Variants in CIT observed in about 807,000 individuals in gnomAD.
The protein encoded by CIT is citron Rho-interacting kinase.
Under a neutral mutation model 272.7 loss-of-function variants are expected in CIT, and 79 were observed. The observed-to-expected ratio is 0.29, with a 90% confidence interval of 0.24 to 0.35. The LOEUF (loss-of-function observed/expected upper bound fraction) is 0.35, where lower values mean the gene tolerates loss of function less well. Among genes scored for constraint, CIT ranks in the 10% least tolerant of loss-of-function variants. The pLI is 1.00. For synonymous variants in CIT, 948 were observed against 995.6 expected (o/e 0.95, Z 0.90); for missense variants, 1,909 against 2,618.3 (o/e 0.73, Z 5.91).
chr12:119,825,356 G>A lies in CIT; in HGVS notation c.766C>T (p.Leu256Phe). Residue 256 changes from leucine to phenylalanine, a missense_variant, in exon 8 of 48, where the codon CTC becomes TTC. This residue lies in a region of CIT where 529 missense variants were observed against 549.6 expected (regional missense o/e 0.96). Transcript: ENST00000392521. Reference protein sequence around the residue: ...MNSNKMVNAKLPIGTPDYMAP... With the variant: ...MNSNKMVNAKFPIGTPDYMAP... ...ATGTAATCTGGGGTCCCAATCGGGA[G>A]TTTGGCATTCACCTAGAATCCCATC... The A allele has an allele frequency of 6.2e-7, 1 of 1,613,888 alleles. No individual in the cohort carries two copies. The highest frequency in any genetic ancestry group is 8.5e-7 in the Non-Finnish European group (1 of 1,179,958).
At chr12:119,708,393 TAGTCACAAGTAAA>T in intron 39 of CIT, 75 bp from the exon 40 acceptor site, 1 of 1,361,464 alleles carries the variant, frequency 7.3e-7, no homozygotes, top group Non-Finnish European at 9.6e-7. Context: ...GTTCTAGTTC[TAGTCACAAGTAAA>T]AGTCACAAGA....
chr12:119,829,453 T>C lies in CIT; in HGVS notation c.753+3318A>G, dbSNP rs1593889158. The stretch of plus-strand genomic sequence containing the variant: ...ACCTAACTTTACCCATCAAGTTGCC[T>C]AGGGCATAAGCATATACCTGCAGAA... On this transcript the variant is annotated intron_variant, in intron 7 of 47. Transcript: ENST00000392521. Among the ~76,000 whole-genome samples the C allele has an allele frequency of 2.6e-5, 4 of 152,040 alleles. No homozygotes were observed. In the South Asian group the frequency reaches 8.3e-4, roughly 32 times the overall value.
chr12:119,705,056 G>A (rs1000047208), intron 40 of CIT, among the ~76,000 whole-genome samples: 3 of 152,098 alleles, frequency 2.0e-5, no homozygotes, highest in Admixed American at 6.6e-5. Flanking sequence ...GGGACCACAG[G>A]TGCGCACCAC....
At chr12:119,831,730 A>G (rs951262265) in intron 7 of CIT, among the ~76,000 whole-genome samples, 111 of 152,254 alleles carry the variant, frequency 7.3e-4, no homozygotes, top group African/African-American at 2.5e-3. Context: ...TTAGCTGGGC[A>G]TGGTGGCGGG....
At chr12:119,786,583 G>A (rs1217288953) in intron 10 of CIT, among the ~76,000 whole-genome samples, 3 of 152,230 alleles carry the variant, frequency 2.0e-5, no homozygotes, top group African/African-American at 4.8e-5. Flanking sequence ...CTGGTAACAG[G>A]GTTGCAGAGC....
At chr12:119,719,387 A>G (rs1957715370) in intron 30 of CIT, among the ~76,000 whole-genome samples, 1 of 152,240 alleles carries the variant, frequency 6.6e-6, no homozygotes, top group Admixed American at 6.5e-5. Context: ...TGGAAAAAAA[A>G]GGAAAACAGA....
At chr12:119,843,403 T>A (rs1969543030) in intron 5 of CIT, among the ~76,000 whole-genome samples, 1 of 151,950 alleles carries the variant, frequency 6.6e-6, no homozygotes, top group South Asian at 2.1e-4. Flanking sequence ...TAATTCAGAG[T>A]AGAGAAGATG....
intron 5 of CIT, among the ~76,000 whole-genome samples, chr12:119,845,575 C>G (rs1969735808): frequency 6.6e-6 from 1 of 150,956 alleles, no homozygotes. Context: ...ATTGCTTGAA[C>G]CTAGGAGGTG....
chr12:119,802,544 G>A (rs203337), intron 10 of CIT, among the ~76,000 whole-genome samples: 93 of 152,222 alleles, frequency 6.1e-4, no homozygotes, highest in African/African-American at 2.1e-3. Flanking sequence ...CAGTTTCTGT[G>A]AATCAATGAC....
chr12:119,781,805 A>G lies in CIT; in HGVS notation c.1665+713T>C, dbSNP rs368373518. On this transcript the variant is annotated intron_variant, in intron 13 of 47. Coordinates refer to ENST00000392521, the MANE Select transcript of CIT (RefSeq NM_001206999.2). ...ATGGTTCAAATTTCTCTTCTAGAATATTTCTTTATGTAAGTAAAACTATGA... is the reference window on the plus strand; with the variant it reads ...ATGGTTCAAATTTCTCTTCTAGAATGTTTCTTTATGTAAGTAAAACTATGA... Among the ~76,000 whole-genome samples the G allele has an allele frequency of 4.3e-4, 66 of 152,238 alleles. 1 individual carries two copies. The highest frequency in any genetic ancestry group is 1.4e-3 in the African/African-American group (60 of 41,464).
At chr12:119,817,314 A>C (rs1967279127) in intron 9 of CIT, among the ~76,000 whole-genome samples, 1 of 152,028 alleles carries the variant, frequency 6.6e-6, no homozygotes, top group African/African-American at 2.4e-5. Context: ...GACCGAGACC[A>C]TCCTGGCTAA....
intron 2 of CIT, among the ~76,000 whole-genome samples, chr12:119,874,239 T>C (rs1950771285): frequency 6.6e-6 from 1 of 152,030 alleles, no homozygotes. Context: ...CCCAGCTAAT[T>C]TTCTATATTT....
Position 119,798,407 on chromosome 12 carries a change from C to T in CIT, c.1295+4799G>A, listed in dbSNP as rs567830877. On this transcript the variant is annotated intron_variant, in intron 10 of 47. Transcript: ENST00000392521. Reference sequence around the variant, plus strand: ...CATAACTTTAGGCAAGTTGTTTGATCTCCCCACGCCTCAGTTTCCTCACAT... The same window carrying T: ...CATAACTTTAGGCAAGTTGTTTGATTTCCCCACGCCTCAGTTTCCTCACAT... Among the ~76,000 whole-genome samples the T allele has an allele frequency of 3.3e-5, 5 of 152,292 alleles. No homozygotes were observed. In the East Asian group the frequency reaches 7.7e-4, roughly 24 times the overall value.
intron 20 of CIT, 131 bp downstream of exon 20, chr12:119,760,808 T>C (rs1961687457): frequency 2.8e-6 from 2 of 704,656 alleles, no homozygotes; most frequent in Admixed American, 2.3e-5. Context: ...GAAAGCCTCC[T>C]ATTACCAACA....
chr12:119,852,749 A>T (rs887506052), intron 4 of CIT, among the ~76,000 whole-genome samples: 2 of 151,942 alleles, frequency 1.3e-5, no homozygotes, highest in African/African-American at 2.4e-5. Flanking sequence ...CTTAAAATAA[A>T]TAAATTATAT....
intron 22 of CIT, 56 bp from the exon 23 acceptor site, chr12:119,752,303 A>G (rs1960373558): frequency 6.7e-7 from 1 of 1,484,232 alleles, no homozygotes; most frequent in Admixed American, 2.1e-5. Context: ...TCTGAACAAA[A>G]GAGAAAGTGA....
intron 16 of CIT, among the ~76,000 whole-genome samples, chr12:119,774,739 A>G (rs990054419): frequency 6.8e-6 from 1 of 147,038 alleles, no homozygotes; most frequent in East Asian, 2.0e-4. Flanking sequence ...TTGGGAAGCA[A>G]TGGCAGGTGG....
chr12:119,852,940 T>A (rs1385059563), intron 4 of CIT, among the ~76,000 whole-genome samples: 1 of 152,184 alleles, frequency 6.6e-6, no homozygotes. Context: ...TTATACTGTA[T>A]GTGACGGTTA....
At chr12:119,835,511 G>A (rs779526394) in intron 5 of CIT, among the ~76,000 whole-genome samples, 2 of 151,954 alleles carry the variant, frequency 1.3e-5, no homozygotes, top group Non-Finnish European at 2.9e-5. Flanking sequence ...CCTGTCCTTC[G>A]CCCTGATTTC....
Sources: allele counts gnomAD v4.1 joint callset (sites outside exome capture counted in the v4.1 genomes callset), GRCh38; gene constraint gnomAD v4.1.1; regional missense constraint gnomAD v4.1.1; transcripts MANE v1.5; gene names NCBI Gene and HGNC (gene_info 2026-07-23, HGNC 2026-07-21).